The following AGO3 variants were observed in gnomAD, a reference collection of about 807,000 sequenced individuals.
AGO3 encodes argonaute RISC catalytic component 3.
A neutral mutation model predicts 105.5 loss-of-function variants in AGO3; 16 were observed. The ratio of observed to expected loss-of-function variants is 0.15; its 90% CI spans 0.10 to 0.23. The LOEUF is 0.23. Among genes scored for constraint, AGO3 ranks in the 10% least tolerant of loss-of-function variants. The pLI, the probability that AGO3 is intolerant of heterozygous loss-of-function variation, is 1.00. For synonymous variants in AGO3, 340 were observed against 367.3 expected (o/e 0.93, Z 0.85); for missense variants, 534 against 1,088.0 (o/e 0.49, Z 7.16).
intron 5 of AGO3, chr1:35,982,561 G>A: frequency 1.4e-6 from 1 of 698,654 alleles, no homozygotes; most frequent in Non-Finnish European, 2.6e-6. Flanking sequence ...CTATCCTTTA[G>A]ATAGGGATAC....
chr1:35,979,135 C>T (rs1423388516), intron 5 of AGO3, among the ~76,000 whole-genome samples: 1 of 152,016 alleles, frequency 6.6e-6, no homozygotes, highest in African/African-American at 2.4e-5. Context: ...GAGGCCGAGG[C>T]GGGCGGATCA....
chr1:35,958,768 A>G (rs1312117362), intron 2 of AGO3, among the ~76,000 whole-genome samples: 1 of 152,214 alleles, frequency 6.6e-6, no homozygotes, highest in Admixed American at 6.5e-5. Context: ...GCTAGTAACC[A>G]CAGAGTAATA....
intron 11 of AGO3, among the ~76,000 whole-genome samples, chr1:36,019,276 A>T (rs1641084833): frequency 6.6e-6 from 1 of 152,172 alleles, no homozygotes; most frequent in Non-Finnish European, 1.5e-5. Flanking sequence ...TGTTATTAGG[A>T]GCATAAGCCT....
At position 35,944,405 on chromosome 1, in the gene AGO3, A is replaced by G. The variant is rs369254646; in HGVS notation, c.20-1287A>G. Among the ~76,000 whole-genome samples, 17 of 152,172 alleles carry G rather than the reference A, an allele frequency of 1.1e-4. No individual in the cohort carries two copies. In the East Asian group the frequency reaches 1.5e-3, roughly 14 times the overall value. On this transcript the variant is annotated intron_variant, in intron 1 of 18. Coordinates refer to ENST00000373191, the MANE Select transcript of AGO3 (RefSeq NM_024852.4). ...ATTTCTCTAGGAATTTGTCTGTTTC[A>G]TCAAACTGTCAAATTTATTGACACA...
chr1:35,950,324 CT>C (rs1428102620), intron 2 of AGO3, among the ~76,000 whole-genome samples: 3 of 152,066 alleles, frequency 2.0e-5, no homozygotes, highest in African/African-American at 7.2e-5. Flanking sequence ...TGAAATTTTT[CT>C]TGTCCATATG....
Position 36,055,395 on chromosome 1 carries a change from A to C in AGO3, c.2475-242A>C. Reference sequence around the variant, plus strand: ...TGGTAATAAAGTGATACATTCAGACAGATAGACAAAATGATACGATATCTA... The same window carrying C: ...TGGTAATAAAGTGATACATTCAGACCGATAGACAAAATGATACGATATCTA... On this transcript the variant is annotated intron_variant, in intron 18 of 18. Coordinates refer to ENST00000373191, the MANE Select transcript of AGO3 (RefSeq NM_024852.4). This position sits in a 1 kb window ranked among gnomAD's most constrained non-coding sequence, Gnocchi z 4.4. 1.6e-6 allele frequency: 1 copy of C among 613,362 alleles called. No individual in the cohort carries two copies. The highest frequency in any genetic ancestry group is 2.8e-5 in the East Asian group (1 of 36,242). The allele number at this position is 613,362 out of a possible 1,614,324, so 38.0% of individuals were successfully genotyped here.
intron 16 of AGO3, among the ~76,000 whole-genome samples, chr1:36,042,413 G>C (rs558632633): frequency 2.6e-5 from 4 of 152,162 alleles, no homozygotes; most frequent in Non-Finnish European, 1.5e-5. Context: ...TTAATTAGAA[G>C]ATTTACGTGT....
chr1:35,953,985 T>C (rs1646520264), intron 2 of AGO3, among the ~76,000 whole-genome samples: 1 of 152,222 alleles, frequency 6.6e-6, no homozygotes, highest in African/African-American at 2.4e-5. Flanking sequence ...TTTTAAAATT[T>C]TGATGATGTC....
At chr1:36,033,740 A>G (rs945869368) in intron 12 of AGO3, among the ~76,000 whole-genome samples, 7 of 152,070 alleles carry the variant, frequency 4.6e-5, no homozygotes, top group African/African-American at 1.4e-4. Context: ...TTTGCGCTAT[A>G]ATACCTCTGA....
intron 5 of AGO3, among the ~76,000 whole-genome samples, chr1:35,993,957 G>A (rs922929408): frequency 6.7e-6 from 1 of 149,410 alleles, no homozygotes; most frequent in African/African-American, 2.5e-5. Context: ...TGTTGGCCAG[G>A]CGTGTCTCAA....
intron 5 of AGO3, among the ~76,000 whole-genome samples, chr1:35,981,674 C>T (rs1647055453): frequency 6.6e-6 from 1 of 152,342 alleles, no homozygotes; most frequent in South Asian, 2.1e-4. Context: ...GAGCATGCCT[C>T]ACTTGTAAAA....
At chr1:36,002,115 G>A (rs560670377) in intron 5 of AGO3, among the ~76,000 whole-genome samples, 1 of 152,218 alleles carries the variant, frequency 6.6e-6, no homozygotes, top group African/African-American at 2.4e-5. Flanking sequence ...CGCCTCATGG[G>A]TTCAGGCGAT....
At chr1:35,946,012 G>T (rs759834155) in intron 2 of AGO3, 149 bp downstream of exon 2, 11 of 815,888 alleles carry the variant, frequency 1.3e-5, no homozygotes, top group Non-Finnish European at 1.8e-5. Context: ...TTGTACTTCA[G>T]GGGTGTGATA....
At chr1:35,976,905 T>C (rs1389933160) in intron 5 of AGO3, among the ~76,000 whole-genome samples, 1 of 152,204 alleles carries the variant, frequency 6.6e-6, no homozygotes, top group African/African-American at 2.4e-5. Context: ...TTTTCTAAAA[T>C]GTATAACAGT....
chr1:35,965,264 G>A lies in AGO3; in HGVS notation c.192-1691G>A, dbSNP rs536844193. On this transcript the variant is annotated intron_variant, in intron 2 of 18. Coordinates refer to ENST00000373191, the MANE Select transcript of AGO3 (RefSeq NM_024852.4). ...CCCAGCACTTTAGGAGGCCGAGGCG[G>A]GCGGATCACCAGGTCAGGAGTTCGA... Among the ~76,000 whole-genome samples the A allele has an allele frequency of 3.9e-5, 6 of 152,072 alleles. No individual in the cohort carries two copies. The East Asian group carries it at 1.2e-3, about 29-fold the overall frequency.
rs1469648870 is a variant in AGO3, at chr1:36,060,267, T to C, written c.*4522T>C. 1 of 152,226 alleles carries C rather than the reference T, an allele frequency of 6.6e-6. No homozygotes were observed. Among genetic ancestry groups the C allele is most frequent in the Non-Finnish European group, 1.5e-5 (1 of 68,054 alleles). 9.4% of individuals were successfully genotyped at this position (152,226 alleles called of 1,614,324 possible). ...TATTCTCTAATGGATTTTAGGAGGATAGGCCTTCTGACAGAGTCATGAAAG... is the reference window on the plus strand; with the variant it reads ...TATTCTCTAATGGATTTTAGGAGGACAGGCCTTCTGACAGAGTCATGAAAG... On this transcript the variant is annotated 3_prime_UTR_variant, in exon 19 of 19. Transcript: ENST00000373191.
chr1:35,931,513 C>A, intron 1 of AGO3, 68 bp downstream of exon 1: 1 of 1,326,920 alleles, frequency 7.5e-7, no homozygotes, highest in Non-Finnish European at 9.8e-7. Flanking sequence ...ATCCCTGCTC[C>A]TCCCGCCCGG....
chr1:35,999,828 A>G lies in AGO3; in HGVS notation c.659-4513A>G, dbSNP rs79736271. 6.7e-3 allele frequency among the ~76,000 whole-genome samples: 1,019 copies of G among 152,060 alleles called. 8 individuals are homozygous for G. The highest frequency in any genetic ancestry group is 0.023 in the African/African-American group (967 of 41,500). Reference sequence around the variant, plus strand: ...TAATAATTTTGTTTCTCTCTTTCCAACCTTTTAACTTTTTATTCTCCTAAT... The same window carrying G: ...TAATAATTTTGTTTCTCTCTTTCCAGCCTTTTAACTTTTTATTCTCCTAAT... On this transcript the variant is annotated intron_variant, in intron 5 of 18. Coordinates refer to ENST00000373191, the MANE Select transcript of AGO3 (RefSeq NM_024852.4).
chr1:35,966,165 G>T (rs1223902468), intron 2 of AGO3, among the ~76,000 whole-genome samples: 1 of 152,134 alleles, frequency 6.6e-6, no homozygotes, highest in Non-Finnish European at 1.5e-5. Context: ...TCAATACTAT[G>T]TGAGTACATT....
Sources: gnomAD v4.1 joint callset for allele counts (sites outside exome capture counted in the v4.1 genomes callset) on GRCh38, gnomAD v4.1.1 for gene constraint, Gnocchi (gnomAD v3.1) non-coding constraint, MANE v1.5 for transcripts, NCBI Gene and HGNC (gene_info 2026-07-23, HGNC 2026-07-21) for gene names.